ALG9: variants seen among roughly 807,000 people sequenced by gnomAD.
ALG9 encodes the protein ALG9 alpha-1,2-mannosyltransferase, also known as alpha-1,2-mannosyltransferase ALG9.
ALG9 carries 55 observed loss-of-function variants against 81.8 expected under a neutral mutation model. That is an observed-to-expected ratio of 0.67 (90% CI 0.54 to 0.84). The LOEUF is 0.84. Ranked by LOEUF, ALG9 falls within the 40% of genes least tolerant of loss-of-function variation. The probability of loss-of-function intolerance (pLI) is 0.00; values close to 1 mark genes in which losing one functional copy is unlikely to be tolerated. For synonymous variants in ALG9, 278 were observed against 274.3 expected, an observed-to-expected ratio of 1.01 and a Z score of -0.13; for missense variants, 629 against 745.0, an observed-to-expected ratio of 0.84 and a Z score of 1.81.
chr11:111,837,295 T>C (rs1018999976), intron 12 of ALG9, among the ~76,000 whole-genome samples, 173 bp downstream of exon 12: 1 of 152,172 alleles, frequency 6.6e-6, no homozygotes, highest in Non-Finnish European at 1.5e-5. Context: ...ATAAGCCTAA[T>C]GAACACAGGA....
At chr11:111,780,419 CAG>C (rs1159768819), downstream of ALG9, among the ~76,000 whole-genome samples, 1 of 112,104 alleles carries the variant, frequency 8.9e-6, no homozygotes, top group Non-Finnish European at 2.0e-5. Flanking sequence ...TTTTTTGAGA[CAG>C]AGTCTTGCTC....
downstream of ALG9, among the ~76,000 whole-genome samples, chr11:111,777,652 TA>T (rs573580393): frequency 2.2e-4 from 33 of 147,260 alleles, no homozygotes; most frequent in East Asian, 9.9e-4. Flanking sequence ...AACACAAATA[TA>T]AAAAAAAAAT....
chr11:111,871,304 C>T, intron 1 of ALG9, 48 bp downstream of exon 1: 1 of 1,381,090 alleles, frequency 7.2e-7, no homozygotes, highest in Non-Finnish European at 9.3e-7. Flanking sequence ...GGGGCAGCCC[C>T]GAACCGCCCC....
rs781975404 is a variant in ALG9, at chr11:111,853,640, A to C, written c.789+9T>G. ...CTTTAGGACAAAGCAAGTAAAAAAG[A>C]AAACTCACCAGAAATAGTATGAGGG... On this transcript the variant is annotated intron_variant, in intron 7 of 14. Transcript: ENST00000616540. The C allele has an allele frequency of 1.9e-6, 3 of 1,613,492 alleles. No individual in the cohort carries two copies. Among genetic ancestry groups the C allele is most frequent in the Non-Finnish European group, 1.7e-6 (2 of 1,179,574 alleles).
In ALG9 at chr11:111,809,715, C is replaced by T. The variant is rs371978851; in HGVS notation, c.1661G>A (p.Arg554Gln). The change falls in exon 14 of 15, where the codon CGG (arginine) becomes CAG (glutamine). Residue 554 changes from arginine (R) to glutamine (Q), a missense_variant. Transcript: ENST00000616540. ...VDLDTMRETPREPKYSSNKEE... is the reference protein window; with the variant it reads ...VDLDTMRETPQEPKYSSNKEE... Reference sequence around the variant, plus strand: ...TTTATTGGATGAATATTTTGGCTCCCGGGGTGTTTCTCTCATGGTGTCCAA... The same window carrying T: ...TTTATTGGATGAATATTTTGGCTCCTGGGGTGTTTCTCTCATGGTGTCCAA... 9.9e-6 allele frequency: 16 copies of T among 1,614,034 alleles called. No homozygotes were observed. The highest frequency in any genetic ancestry group is 1.7e-5 in the Admixed American group (1 of 60,012).
downstream of ALG9, among the ~76,000 whole-genome samples, chr11:111,781,035 G>A (rs1167688977): frequency 2.6e-5 from 4 of 152,158 alleles, no homozygotes; most frequent in Non-Finnish European, 5.9e-5. Flanking sequence ...AGGAGACTCA[G>A]CCCTAAAAGT....
chr11:111,777,652 T>TA (rs573580393), downstream of ALG9, among the ~76,000 whole-genome samples: 53 of 147,282 alleles, frequency 3.6e-4, no homozygotes, highest in South Asian at 4.5e-3. Context: ...AACACAAATA[T>TA]AAAAAAAAAA....
rs1334825377 is a variant in ALG9 at position 111,871,531 on chromosome 11, G to C, written c.-49C>G. 1 of 1,534,840 alleles carries C rather than the reference G, an allele frequency of 6.5e-7. No individual in the cohort carries two copies. Among genetic ancestry groups the C allele is most frequent in the Admixed American group, 2.0e-5 (1 of 50,958 alleles). Reference sequence around the variant, plus strand: ...TCGGCACCCTATGAAGTCGGTGAGCGCGCAGACATAGCTTTGGCTGGCAAA... The same window carrying C: ...TCGGCACCCTATGAAGTCGGTGAGCCCGCAGACATAGCTTTGGCTGGCAAA... On this transcript the variant is annotated 5_prime_UTR_variant, in exon 1 of 15. Coordinates refer to ENST00000616540, the MANE Select transcript of ALG9 (RefSeq NM_024740.2).
chr11:111,811,639 C>A (rs1283664117), intron 13 of ALG9, among the ~76,000 whole-genome samples: 1 of 151,754 alleles, frequency 6.6e-6, no homozygotes, highest in Non-Finnish European at 1.5e-5. Flanking sequence ...TGTGGTATAT[C>A]CATACAATAG....
chr11:111,830,199 C>A (rs1301054785), intron 13 of ALG9, among the ~76,000 whole-genome samples: 1 of 152,190 alleles, frequency 6.6e-6, no homozygotes, highest in African/African-American at 2.4e-5. Flanking sequence ...ATGATATTTC[C>A]TTTATTGAAA....
chr11:111,773,212 C>G, the ALG9 span, among the ~76,000 whole-genome samples: 2 of 152,094 alleles, frequency 1.3e-5, no homozygotes, highest in Non-Finnish European at 2.9e-5. Flanking sequence ...GAACAGCAGT[C>G]AGGATTAGTA....
intron 14 of ALG9, among the ~76,000 whole-genome samples, chr11:111,797,785 T>TA (rs1468355034): frequency 1.3e-5 from 2 of 152,164 alleles, no homozygotes; most frequent in Admixed American, 1.3e-4. Context: ...GTTCACCTCT[T>TA]AGAGGGTAAA....
chr11:111,813,311 A>T (rs1363710733), intron 13 of ALG9, among the ~76,000 whole-genome samples: 2 of 152,258 alleles, frequency 1.3e-5, no homozygotes, highest in African/African-American at 4.8e-5. Context: ...TCACCAAAAG[A>T]CACATTAAGG....
intron 13 of ALG9, among the ~76,000 whole-genome samples, chr11:111,822,127 C>T (rs1264560170): frequency 6.6e-6 from 1 of 152,160 alleles, no homozygotes; most frequent in Non-Finnish European, 1.5e-5. Context: ...ATGCTCTGTG[C>T]TGGGCCCAGT....
rs937237517 is a variant in ALG9, at chr11:111,785,950, C to T, written c.*447G>A. On this transcript the variant is annotated 3_prime_UTR_variant, in exon 15 of 15. Transcript: ENST00000616540. ...AGAAGGTCTGCTAGGAGCTGCCAAACAGCTTTGGTGGAGAAGCCCATATGG... is the reference window on the plus strand; with the variant it reads ...AGAAGGTCTGCTAGGAGCTGCCAAATAGCTTTGGTGGAGAAGCCCATATGG... 2 of 439,298 alleles carry T rather than the reference C, an allele frequency of 4.6e-6. No individual in the cohort carries two copies. Among genetic ancestry groups the T allele is most frequent in the South Asian group, 3.2e-5 (2 of 61,680 alleles). 27.2% of individuals were successfully genotyped at this position (439,298 alleles called of 1,614,324 possible).
At chr11:111,867,240 T>C (rs986254029) in intron 3 of ALG9, among the ~76,000 whole-genome samples, 1 of 152,236 alleles carries the variant, frequency 6.6e-6, no homozygotes, top group South Asian at 2.1e-4. Flanking sequence ...CTCTTTTGTC[T>C]GAAAACCTTG....
the ALG9 span, among the ~76,000 whole-genome samples, chr11:111,776,441 T>G: frequency 6.6e-6 from 1 of 151,934 alleles, no homozygotes; most frequent in Non-Finnish European, 1.5e-5. Context: ...AATACAAAAG[T>G]TAGCCAGGCG....
intron 13 of ALG9, among the ~76,000 whole-genome samples, chr11:111,824,957 C>A (rs985504708): frequency 1.3e-5 from 2 of 152,196 alleles, no homozygotes; most frequent in Non-Finnish European, 2.9e-5. Flanking sequence ...GAAAAGTATT[C>A]CATCTTCCTG....
intron 13 of ALG9, among the ~76,000 whole-genome samples, chr11:111,830,758 G>A (rs1954212812): frequency 6.6e-6 from 1 of 152,136 alleles, no homozygotes. Context: ...AAGAAAAAGA[G>A]AAGAAAGGAA....
Sources: gnomAD v4.1 joint callset for allele counts (sites outside exome capture counted in the v4.1 genomes callset) on GRCh38, gnomAD v4.1.1 for gene constraint, MANE v1.5 for transcripts, NCBI Gene and HGNC (gene_info 2026-07-23, HGNC 2026-07-21) for gene names.